The following FAF1 variants were observed in gnomAD, a reference collection of about 807,000 sequenced individuals.
FAF1 encodes FAS-associated factor 1.
A neutral mutation model predicts 92.5 loss-of-function variants in FAF1; 25 were observed. The observed-to-expected ratio is 0.27, with a 90% CI of 0.20 to 0.38. FAF1 has a LOEUF of 0.38. Ranked by LOEUF, FAF1 falls within the 10% of genes least tolerant of loss-of-function variation. The pLI is 1.00. For missense variants in FAF1, 636 were observed against 793.3 expected, an observed-to-expected ratio of 0.80 and a Z score of 2.38; for synonymous variants, 234 against 273.2, an observed-to-expected ratio of 0.86 and a Z score of 1.42.
At chr1:50,958,705 A>C (rs1347331812) in intron 1 of FAF1, among the ~76,000 whole-genome samples, 1 of 151,758 alleles carries the variant, frequency 6.6e-6, no homozygotes, top group Admixed American at 6.6e-5. Context: ...AATTAATTTT[A>C]AAAAAAATAA....
intron 2 of FAF1, among the ~76,000 whole-genome samples, chr1:50,821,078 T>C (rs913748412): frequency 6.6e-6 from 1 of 152,186 alleles, no homozygotes; most frequent in African/African-American, 2.4e-5. Flanking sequence ...TAATAGTTTC[T>C]TCATCTATAA....
intron 15 of FAF1, 139 bp downstream of exon 15, chr1:50,535,230 A>T: frequency 1.7e-6 from 1 of 598,938 alleles, no homozygotes; most frequent in Non-Finnish European, 2.9e-6. Flanking sequence ...TCCATAGCAT[A>T]AAAACCCTTG....
At chr1:50,628,920 C>A (rs767456368) in intron 8 of FAF1, among the ~76,000 whole-genome samples, 2 of 152,244 alleles carry the variant, frequency 1.3e-5, no homozygotes, top group Middle Eastern at 3.4e-3. Context: ...GGGTTCAAAT[C>A]CCACTGCTAC....
intron 1 of FAF1, among the ~76,000 whole-genome samples, chr1:50,916,410 T>A (rs188215555): frequency 1.3e-5 from 2 of 152,294 alleles, no homozygotes; most frequent in African/African-American, 4.8e-5. Context: ...CCATTCCCTT[T>A]AGGACTTATC....
At chr1:50,680,539 C>T (rs1243693342) in intron 7 of FAF1, among the ~76,000 whole-genome samples, 8 of 151,700 alleles carry the variant, frequency 5.3e-5, no homozygotes, top group East Asian at 3.9e-4. Flanking sequence ...AAAAATTAGG[C>T]GGGTGTGGTG....
intron 18 of FAF1, among the ~76,000 whole-genome samples, chr1:50,474,512 A>G (rs1170123231): frequency 6.6e-6 from 1 of 152,076 alleles, no homozygotes; most frequent in South Asian, 2.1e-4. Context: ...TGTACCCATC[A>G]CCCAGTGGGT....
intron 1 of FAF1, among the ~76,000 whole-genome samples, chr1:50,959,402 A>G (rs1645297385): frequency 6.6e-6 from 1 of 151,918 alleles, no homozygotes; most frequent in African/African-American, 2.4e-5. Context: ...CACTCCATAC[A>G]TCTCTCCCCA....
At position 50,959,974 on chromosome 1, in the gene FAF1, G is replaced by C. The variant is rs1434174535; in HGVS notation, c.-163C>G. On this transcript the variant is annotated 5_prime_UTR_variant, in exon 1 of 19. Transcript: ENST00000396153. Reference sequence around the variant, plus strand: ...GGCGGGCCAGCGGGCGGGGCAGCGCGGGAAGCGCTAGGCGCTCATGCACTC... The same window carrying C: ...GGCGGGCCAGCGGGCGGGGCAGCGCCGGAAGCGCTAGGCGCTCATGCACTC... 5.1e-6 allele frequency: 2 copies of C among 394,758 alleles called. No individual in the cohort carries two copies. The highest frequency in any genetic ancestry group is 8.7e-6 in the Non-Finnish European group (2 of 230,946). 24.5% of individuals were successfully genotyped at this position (394,758 alleles called of 1,614,324 possible).
chr1:50,789,162 CTAAG>C (rs558934381), intron 3 of FAF1, among the ~76,000 whole-genome samples: 208 of 152,302 alleles, frequency 1.4e-3, no homozygotes, highest in African/African-American at 4.8e-3. Flanking sequence ...TAGCTCTACA[CTAAG>C]TATTATCCCT....
At chr1:50,885,411 C>T (rs1333769145) in intron 1 of FAF1, among the ~76,000 whole-genome samples, 2 of 151,910 alleles carry the variant, frequency 1.3e-5, no homozygotes, top group Admixed American at 6.6e-5. Context: ...GTTATGGCCT[C>T]GCTGAACTGA....
chr1:50,464,410 CT>C (rs1272279798), intron 18 of FAF1, among the ~76,000 whole-genome samples: 1 of 152,126 alleles, frequency 6.6e-6, no homozygotes, highest in Non-Finnish European at 1.5e-5. Context: ...CAAGGCCCCC[CT>C]AATAGTTGGT....
chr1:50,955,216 C>A (rs2124767189), intron 1 of FAF1, among the ~76,000 whole-genome samples: 1 of 152,256 alleles, frequency 6.6e-6, no homozygotes, highest in Non-Finnish European at 1.5e-5. Flanking sequence ...ACAAAAAGAA[C>A]AGTTATTCTA....
intron 8 of FAF1, among the ~76,000 whole-genome samples, chr1:50,599,734 A>G (rs1358216397): frequency 6.6e-6 from 1 of 152,196 alleles, no homozygotes; most frequent in Non-Finnish European, 1.5e-5. Context: ...TGTTTCAGTT[A>G]TATGCTGAAT....
intron 13 of FAF1, among the ~76,000 whole-genome samples, chr1:50,545,602 A>G (rs115693662): frequency 0.031 from 4,685 of 151,814 alleles, 257 homozygotes; most frequent in African/African-American, 0.11. Flanking sequence ...AGAAAAAAGA[A>G]AAAAAAAACA....
At chr1:50,880,350 C>A (rs1463890848) in intron 1 of FAF1, among the ~76,000 whole-genome samples, 1 of 152,108 alleles carries the variant, frequency 6.6e-6, no homozygotes, top group Non-Finnish European at 1.5e-5. Flanking sequence ...GTATCATGCT[C>A]CAAAATATAA....
intron 2 of FAF1, among the ~76,000 whole-genome samples, chr1:50,826,402 T>C (rs890667589): frequency 3.3e-5 from 5 of 151,540 alleles, no homozygotes; most frequent in Non-Finnish European, 7.4e-5. Flanking sequence ...ATACAAAAAT[T>C]AGCTGGGCAC....
At chr1:50,672,220 T>A (rs956731123) in intron 7 of FAF1, among the ~76,000 whole-genome samples, 14 of 152,156 alleles carry the variant, frequency 9.2e-5, no homozygotes, top group African/African-American at 3.4e-4. Flanking sequence ...AATTTTTTTG[T>A]ATTTTTAGTA....
rs143826399 is a variant in FAF1, at chr1:50,839,538, A to G, written c.114+18391T>C. Among the ~76,000 whole-genome samples the G allele has an allele frequency of 3.3e-5, 5 of 152,194 alleles. No homozygotes were observed. The East Asian group carries it at 9.6e-4, about 29-fold the overall frequency. Reference sequence around the variant, plus strand: ...AAAGCAATAAAGAAAGGGCCTAAATACTGTTGATCAGATTTTGCTAATTCT... The same window carrying G: ...AAAGCAATAAAGAAAGGGCCTAAATGCTGTTGATCAGATTTTGCTAATTCT... On this transcript the variant is annotated intron_variant, in intron 2 of 18. Transcript: ENST00000396153.
intron 8 of FAF1, among the ~76,000 whole-genome samples, chr1:50,622,200 A>C (rs1033115674): frequency 6.6e-6 from 1 of 151,836 alleles, no homozygotes; most frequent in Non-Finnish European, 1.5e-5. Context: ...AAAAAGAAAG[A>C]TTACCCTGCC....
Sources: allele counts gnomAD v4.1 joint callset (sites outside exome capture counted in the v4.1 genomes callset), GRCh38; gene constraint gnomAD v4.1.1; transcripts MANE v1.5; gene names NCBI Gene and HGNC (gene_info 2026-07-23, HGNC 2026-07-21).